MSH3: variants seen among roughly 807,000 people sequenced by gnomAD.
MSH3 encodes the protein DNA mismatch repair protein Msh3.
Under a neutral mutation model 123.3 loss-of-function variants are expected in MSH3, and 106 were observed. That is an observed-to-expected ratio of 0.86 (90% confidence interval 0.73 to 1.01). The LOEUF (loss-of-function observed/expected upper bound fraction) is 1.01. Ranked by LOEUF, MSH3 falls within the 50% of genes least tolerant of loss-of-function variation. MSH3 has a pLI of 0.00. For synonymous variants in MSH3, 515 were observed against 481.4 expected, an observed-to-expected ratio of 1.07 and a Z score of -0.91; for missense variants, 1,459 against 1,347.6, an observed-to-expected ratio of 1.08 and a Z score of -1.29.
rs1273763965 is a variant in MSH3, at chr5:80,805,586, CCCCT to C, written c.2656-7997_2656-7994del. ...TTCACTTTCAATATGATGCCCCCCC[CCCCT>C]ACCTTTTTTTTTTTTTTTTTTTGAG... On this transcript the variant is annotated intron_variant, in intron 19 of 23. Coordinates refer to ENST00000265081, the MANE Select transcript of MSH3 (RefSeq NM_002439.5). Among the ~76,000 whole-genome samples the C allele has an allele frequency of 2.2e-3, 173 of 80,318 alleles. 1 individual carries two copies. Among genetic ancestry groups the C allele is most frequent in the African/African-American group, 9.4e-3 (163 of 17,294 alleles). The allele number at this position is 80,318 out of a possible 152,430, so 52.7% of individuals were successfully genotyped here.
chr5:80,835,325 C>G (rs958742206), intron 20 of MSH3, among the ~76,000 whole-genome samples: 8 of 152,104 alleles, frequency 5.3e-5, no homozygotes, highest in African/African-American at 1.7e-4. Context: ...GGGTTTGATG[C>G]AAAGATCATC....
intron 8 of MSH3, among the ~76,000 whole-genome samples, chr5:80,701,426 A>G (rs1750607761): frequency 6.6e-6 from 1 of 152,232 alleles, no homozygotes; most frequent in Non-Finnish European, 1.5e-5. Flanking sequence ...AGCCCACTAG[A>G]GCCCTAACCC....
At chr5:80,656,612 A>G (rs1749296805) in intron 2 of MSH3, 81 bp downstream of exon 2, 1 of 1,580,606 alleles carries the variant, frequency 6.3e-7, no homozygotes. Flanking sequence ...AGAGCGTATT[A>G]GAATTGTGTC....
chr5:80,803,544 T>C (rs1389845074), intron 19 of MSH3, among the ~76,000 whole-genome samples: 1 of 150,488 alleles, frequency 6.6e-6, no homozygotes, highest in African/African-American at 2.5e-5. Flanking sequence ...TTGTTGATTG[T>C]TTCTTTTGCT....
At chr5:80,693,624 TAC>T (rs370934498) in intron 8 of MSH3, among the ~76,000 whole-genome samples, 3,418 of 145,968 alleles carry the variant, frequency 0.023, 90 homozygotes, top group Non-Finnish European at 0.031. Flanking sequence ...CACACACATA[TAC>T]ACACACACAC....
chr5:80,744,212 G>A (rs2112868636), intron 11 of MSH3, among the ~76,000 whole-genome samples: 1 of 152,276 alleles, frequency 6.6e-6, no homozygotes, highest in East Asian at 1.9e-4. Flanking sequence ...CCCAAGGTAG[G>A]AAAGTATGCA....
chr5:80,672,762 G>C lies in MSH3; in HGVS notation c.931G>C (p.Glu311Gln). ...GYKVGVVKQT[E>Q]TAALKAIGDN... Reference sequence around the variant, plus strand: ...GAAGGTGGGAGTTGTGAAGCAAACTGAAACTGCAGCATTAAAGGCCATTGG... The same window carrying C: ...GAAGGTGGGAGTTGTGAAGCAAACTCAAACTGCAGCATTAAAGGCCATTGG... Residue 311 changes from glutamate (E) to glutamine (Q), a missense_variant, in exon 6 of 24, where the codon GAA (glutamate) becomes CAA (glutamine). Transcript: ENST00000265081. 2 of 1,614,062 alleles carry C rather than the reference G, an allele frequency of 1.2e-6. No individual in the cohort carries two copies. The highest frequency in any genetic ancestry group is 1.7e-6 in the Non-Finnish European group (2 of 1,179,950).
chr5:80,807,336 A>C (rs995300555), intron 19 of MSH3, among the ~76,000 whole-genome samples: 1 of 152,210 alleles, frequency 6.6e-6, no homozygotes, highest in Non-Finnish European at 1.5e-5. Context: ...AAACATCATC[A>C]AACTTCTAAA....
At chr5:80,871,063 G>T (rs1187773780) in intron 22 of MSH3, among the ~76,000 whole-genome samples, 2 of 152,102 alleles carry the variant, frequency 1.3e-5, no homozygotes, top group Non-Finnish European at 2.9e-5. Flanking sequence ...AAAGTTTTAA[G>T]TTCATGTGTA....
intron 11 of MSH3, among the ~76,000 whole-genome samples, chr5:80,742,207 G>A (rs983765941): frequency 4.6e-5 from 7 of 151,962 alleles, no homozygotes; most frequent in South Asian, 2.1e-4. Context: ...ACAGGGTTTC[G>A]CCATATTGGC....
chr5:80,824,048 G>A (rs1561489997), intron 20 of MSH3, among the ~76,000 whole-genome samples: 1 of 152,218 alleles, frequency 6.6e-6, no homozygotes, highest in Non-Finnish European at 1.5e-5. Flanking sequence ...CAAGGCAGAA[G>A]AATCTTTCTT....
rs555608568 is a variant in MSH3, at chr5:80,654,671, C to T, written c.-57C>T. 9.6e-5 allele frequency: 145 copies of T among 1,514,514 alleles called. No homozygotes were observed. In the East Asian group the frequency reaches 2.9e-3, roughly 31 times the overall value. The allele number at this position is 1,514,514 out of a possible 1,614,324, so 93.8% of individuals were successfully genotyped here. A position where few individuals can be genotyped will look rare whatever the true frequency, so the allele number is the denominator to read the frequency against. On this transcript the variant is annotated 5_prime_UTR_variant, in exon 1 of 24. Transcript: ENST00000265081. Reference sequence around the variant, plus strand: ...GCCCGCAGACGCCTGGGAACTGCGGCCGCGGGCTCGCGCTCCTCGCCAGGC... The same window carrying T: ...GCCCGCAGACGCCTGGGAACTGCGGTCGCGGGCTCGCGCTCCTCGCCAGGC...
chr5:80,837,376 C>T (rs968648917), intron 20 of MSH3, among the ~76,000 whole-genome samples: 1 of 151,958 alleles, frequency 6.6e-6, no homozygotes, highest in African/African-American at 2.4e-5. Context: ...CTCACAAGTT[C>T]GAGACCAGCC....
intron 12 of MSH3, among the ~76,000 whole-genome samples, chr5:80,755,075 C>T (rs755821146): frequency 6.6e-6 from 1 of 152,058 alleles, no homozygotes; most frequent in Non-Finnish European, 1.5e-5. Context: ...CATTACTGCT[C>T]GGAAATGGGA....
intron 20 of MSH3, among the ~76,000 whole-genome samples, chr5:80,849,349 C>T (rs1745788768): frequency 6.6e-6 from 1 of 152,176 alleles, no homozygotes; most frequent in South Asian, 2.1e-4. Flanking sequence ...CTGTGGCCTT[C>T]TTCTCACAGT....
intron 19 of MSH3, among the ~76,000 whole-genome samples, chr5:80,811,445 C>T (rs1387730960): frequency 6.6e-6 from 1 of 151,980 alleles, no homozygotes; most frequent in African/African-American, 2.4e-5. Context: ...TTTGTATAAC[C>T]TTGGATTGAC....
At chr5:80,661,429 T>A (rs997916955) in intron 2 of MSH3, among the ~76,000 whole-genome samples, 1 of 152,250 alleles carries the variant, frequency 6.6e-6, no homozygotes, top group Admixed American at 6.5e-5. Flanking sequence ...ATGTCTAATC[T>A]GCTGTAAATC....
chr5:80,704,874 C>T (rs899817193), intron 8 of MSH3, among the ~76,000 whole-genome samples: 5 of 152,160 alleles, frequency 3.3e-5, no homozygotes, highest in African/African-American at 1.2e-4. Flanking sequence ...GCTCCAGCTA[C>T]ATCAGAGTAA....
intron 2 of MSH3, among the ~76,000 whole-genome samples, chr5:80,660,180 T>G (rs1650689): frequency 0.23 from 35,387 of 151,424 alleles, 4,264 homozygotes; most frequent in Middle Eastern, 0.32. Context: ...ATTGTGGGAG[T>G]TGAAAGGCAC....
Sources: gnomAD v4.1 joint callset for allele counts (sites outside exome capture counted in the v4.1 genomes callset) on GRCh38, gnomAD v4.1.1 for gene constraint, MANE v1.5 for transcripts, NCBI Gene and HGNC (gene_info 2026-07-23, HGNC 2026-07-21) for gene names.